Variants in TENM3 observed in about 807,000 individuals in gnomAD.
TENM3 encodes the protein teneurin-3.
TENM3 carries 63 observed loss-of-function variants against 255.1 expected under a neutral mutation model. The observed-to-expected ratio is 0.25, with a 90% CI of 0.20 to 0.30. The LOEUF (loss-of-function observed/expected upper bound fraction) is 0.30. Among genes scored for constraint, TENM3 ranks in the 10% least tolerant of loss-of-function variants. The probability of loss-of-function intolerance (pLI) is 1.00; values close to 1 mark genes in which losing one functional copy is unlikely to be tolerated. For missense variants in TENM3, 2,929 were observed against 3,461.1 expected (o/e 0.85, Z 3.86); for synonymous variants, 1,306 against 1,322.3 (o/e 0.99, Z 0.27).
the TENM3 span, among the ~76,000 whole-genome samples, chr4:181,679,417 A>G: frequency 6.6e-6 from 1 of 152,158 alleles, no homozygotes; most frequent in African/African-American, 2.4e-5. Context: ...GTAGTACATT[A>G]TAAACCTTCT....
chr4:182,310,146 A>G (rs2150411397), intron 1 of TENM3, among the ~76,000 whole-genome samples: 1 of 152,280 alleles, frequency 6.6e-6, no homozygotes, highest in East Asian at 1.9e-4. Context: ...TTGTATTGAT[A>G]TAGTTTTTTC....
intron 3 of TENM3, among the ~76,000 whole-genome samples, chr4:182,545,688 A>C (rs1304753607): frequency 6.6e-6 from 1 of 152,064 alleles, no homozygotes; most frequent in Non-Finnish European, 1.5e-5. Flanking sequence ...TGCCCCTGTC[A>C]ACTGGTATGG....
chr4:182,590,174 A>G (rs1368715383), intron 3 of TENM3, among the ~76,000 whole-genome samples: 1 of 152,172 alleles, frequency 6.6e-6, no homozygotes, highest in East Asian at 1.9e-4. Context: ...CTATCAGGAA[A>G]AAACAAGTTG....
At chr4:182,158,221 G>C (rs529641850) in intron 1 of TENM3, among the ~76,000 whole-genome samples, 2 of 152,216 alleles carry the variant, frequency 1.3e-5, no homozygotes, top group East Asian at 3.9e-4. Flanking sequence ...GATTTCTCAA[G>C]AAATGCCAGA....
At chr4:181,469,003 T>C in the TENM3 span, among the ~76,000 whole-genome samples, 3 of 152,328 alleles carry the variant, frequency 2.0e-5, no homozygotes, top group Non-Finnish European at 4.4e-5. Context: ...CAGAATTTTT[T>C]TCAGTACATA....
the TENM3 span, among the ~76,000 whole-genome samples, chr4:181,982,050 TA>T: frequency 6.6e-6 from 1 of 152,112 alleles, no homozygotes. Flanking sequence ...GAGAGATCAA[TA>T]AATCCCTGTG....
chr4:181,634,980 G>A, the TENM3 span, among the ~76,000 whole-genome samples: 2 of 151,980 alleles, frequency 1.3e-5, no homozygotes, highest in African/African-American at 2.4e-5. Context: ...TTCATAAGAA[G>A]CAGGAAAGAG....
chr4:182,516,997 A>G (rs1006388360), intron 3 of TENM3, among the ~76,000 whole-genome samples: 3 of 152,108 alleles, frequency 2.0e-5, no homozygotes, highest in Non-Finnish European at 4.4e-5. Flanking sequence ...GAATGAGTGT[A>G]TTTCATATAA....
the TENM3 span, among the ~76,000 whole-genome samples, chr4:181,451,584 G>A: frequency 1.3e-5 from 2 of 152,084 alleles, no homozygotes; most frequent in Non-Finnish European, 2.9e-5. Context: ...GAAGGTGTAG[G>A]GGTCTGAGGA....
At chr4:182,475,887 A>T (rs1733647370) in intron 3 of TENM3, among the ~76,000 whole-genome samples, 1 of 152,258 alleles carries the variant, frequency 6.6e-6, no homozygotes, top group East Asian at 1.9e-4. Context: ...ATTCCAGAAG[A>T]GAATTCAAGG....
At chr4:182,739,717 G>A (rs1330110313) in intron 18 of TENM3, among the ~76,000 whole-genome samples, 1 of 152,158 alleles carries the variant, frequency 6.6e-6, no homozygotes, top group Non-Finnish European at 1.5e-5. Flanking sequence ...ACAGAATAAA[G>A]TAGTTTTAAG....
the TENM3 span, among the ~76,000 whole-genome samples, chr4:181,489,827 T>C: frequency 6.6e-6 from 1 of 152,348 alleles, no homozygotes; most frequent in East Asian, 1.9e-4. Flanking sequence ...AATTTAGTAA[T>C]TATGGTTCAT....
At chr4:182,598,036 C>T (rs1747441190) in intron 3 of TENM3, among the ~76,000 whole-genome samples, 1 of 151,938 alleles carries the variant, frequency 6.6e-6, no homozygotes, top group Admixed American at 6.6e-5. Flanking sequence ...AAAAATTAGC[C>T]AGTGAGGTGG....
the TENM3 span, among the ~76,000 whole-genome samples, chr4:182,027,713 G>A: frequency 4.6e-5 from 7 of 151,932 alleles, no homozygotes; most frequent in South Asian, 8.3e-4. Context: ...TTTAAGCATC[G>A]GTTGAAATAA....
At chr4:182,032,603 T>C in the TENM3 span, among the ~76,000 whole-genome samples, 2 of 152,160 alleles carry the variant, frequency 1.3e-5, no homozygotes, top group African/African-American at 4.8e-5. Context: ...TTTTCAATTG[T>C]TTGGAATAGT....
At chr4:181,872,421 GGT>G in the TENM3 span, among the ~76,000 whole-genome samples, 1 of 151,888 alleles carries the variant, frequency 6.6e-6, no homozygotes, top group African/African-American at 2.4e-5. Flanking sequence ...TCATCACCCA[GGT>G]ATTAAGCCCA....
chr4:182,336,582 TTTGGGGG>T (rs1188065833), intron 2 of TENM3, among the ~76,000 whole-genome samples: 2 of 152,176 alleles, frequency 1.3e-5, no homozygotes, highest in African/African-American at 4.8e-5. Context: ...GGTTCTACCC[TTTGGGGG>T]TTGGAGAAGA....
chr4:182,309,412 T>C (rs73869923), intron 1 of TENM3, among the ~76,000 whole-genome samples: 6,250 of 152,228 alleles, frequency 0.041, 424 homozygotes, highest in African/African-American at 0.14. Context: ...TTATCCCTTA[T>C]TCTCCAAATA....
chr4:182,721,240 C>G (rs1488973787), intron 13 of TENM3, among the ~76,000 whole-genome samples: 1 of 152,182 alleles, frequency 6.6e-6, no homozygotes, highest in East Asian at 1.9e-4. Flanking sequence ...AGTCGTGGTA[C>G]AGAGATACTA....
Sources: allele counts gnomAD v4.1 joint callset (sites outside exome capture counted in the v4.1 genomes callset), GRCh38; gene constraint gnomAD v4.1.1; transcripts MANE v1.5; gene names NCBI Gene and HGNC (gene_info 2026-07-23, HGNC 2026-07-21).